C1GALT1: variants seen among roughly 807,000 people sequenced by gnomAD.
C1GALT1 encodes the protein glycoprotein-N-acetylgalactosamine 3-beta-galactosyltransferase 1.
A neutral mutation model predicts 31.0 loss-of-function variants in C1GALT1; 11 were observed. The observed-to-expected ratio is 0.36, with a 90% CI of 0.22 to 0.59. The LOEUF (loss-of-function observed/expected upper bound fraction) is 0.59, where lower values mean the gene tolerates loss of function less well. Ranked by LOEUF, C1GALT1 falls within the 20% of genes least tolerant of loss-of-function variation. C1GALT1 has a pLI of 0.79. For missense variants in C1GALT1, 424 were observed against 425.2 expected (o/e 1.00, Z 0.03); for synonymous variants, 175 against 143.6 (o/e 1.22, Z -1.56).
chr7:7,239,986 T>C (rs2128251901), intron 3 of C1GALT1, among the ~76,000 whole-genome samples: 1 of 152,346 alleles, frequency 6.6e-6, no homozygotes, highest in East Asian at 1.9e-4. Flanking sequence ...CTCAGTTCTG[T>C]TACTAATAAT....
intron 1 of C1GALT1, among the ~76,000 whole-genome samples, chr7:7,214,058 A>G (rs1583791895): frequency 6.6e-6 from 1 of 152,202 alleles, no homozygotes; most frequent in Admixed American, 6.5e-5. Context: ...TTTCTAATTT[A>G]TAACTACTAT....
intron 3 of C1GALT1, 90 bp from the exon 4 acceptor site, chr7:7,243,434 T>C: frequency 4.6e-6 from 5 of 1,090,518 alleles, no homozygotes; most frequent in Non-Finnish European, 3.9e-6. Context: ...TTGTATTCTT[T>C]TAAAATTAGC....
chr7:7,239,782 TCA>T (rs1562599329), intron 3 of C1GALT1, among the ~76,000 whole-genome samples: 1 of 152,208 alleles, frequency 6.6e-6, no homozygotes, highest in African/African-American at 2.4e-5. Flanking sequence ...CACATTTGTT[TCA>T]GTTATTTAAA....
chr7:7,195,545 A>G (rs994351479), intron 1 of C1GALT1, among the ~76,000 whole-genome samples: 3 of 152,150 alleles, frequency 2.0e-5, no homozygotes, highest in African/African-American at 4.8e-5. Flanking sequence ...AGTACTTGCT[A>G]TAATTTTGAT....
At chr7:7,174,787 G>T (rs766785095) in intron 2 of C1GALT1, among the ~76,000 whole-genome samples, 1 of 151,662 alleles carries the variant, frequency 6.6e-6, no homozygotes, top group South Asian at 2.1e-4. Context: ...TTTCTGTTTG[G>T]TTCCTTTTCA....
At chr7:7,224,431 A>G (rs1269279999) in intron 1 of C1GALT1, among the ~76,000 whole-genome samples, 1 of 151,966 alleles carries the variant, frequency 6.6e-6, no homozygotes, top group Non-Finnish European at 1.5e-5. Context: ...ATTCTCCAGT[A>G]AAACCATCTG....
chr7:7,174,491 C>G (rs1202133370), intron 2 of C1GALT1, among the ~76,000 whole-genome samples: 2 of 152,078 alleles, frequency 1.3e-5, no homozygotes, highest in Admixed American at 6.6e-5. Context: ...TGCCTGTAAT[C>G]CTAGCACTTT....
chr7:7,173,248 C>T (rs1780473116), intron 2 of C1GALT1, among the ~76,000 whole-genome samples: 3 of 151,780 alleles, frequency 2.0e-5, no homozygotes, highest in South Asian at 4.2e-4. Flanking sequence ...TGGCATCACC[C>T]CTCCACCTCT....
rs548891974 is a variant in C1GALT1, at chr7:7,226,369, A to T, written c.-17-7934A>T. 5.7e-3 allele frequency among the ~76,000 whole-genome samples: 328 copies of T among 57,448 alleles called. No individual in the cohort carries two copies. The African/African-American group carries it at 0.065, about 11-fold the overall frequency. The allele number at this position is 57,448 out of a possible 152,430, so 37.7% of individuals were successfully genotyped here. On this transcript the variant is annotated intron_variant, in intron 1 of 3. Transcript: ENST00000436587. ...ATGTGGTATAAAGTGTTAAAATTTA[A>T]AAAAAAAAATAACTAGAATTTCAGG...
chr7:7,238,451 C>G lies in C1GALT1; in HGVS notation c.417C>G (p.Gly139=), dbSNP rs1243455570. Residue 139 remains glycine (G), a synonymous_variant, in exon 3 of 4, where the codon GGC becomes GGG. Coordinates refer to ENST00000436587, the MANE Select transcript of C1GALT1 (RefSeq NM_020156.5). This position sits in a 1 kb window ranked among gnomAD's most constrained non-coding sequence, Gnocchi z 5.2. The part of the protein sequence containing the change: ...FPAVGLKTKE[G]RDQLYWKTIK... The stretch of plus-strand genomic sequence containing the variant: ...CTGTGGGACTGAAAACCAAAGAAGG[C>G]AGAGATCAACTATACTGGAAAACAA... 6.2e-7 allele frequency: 1 copy of G among 1,613,612 alleles called. No homozygotes were observed. Among genetic ancestry groups the G allele is most frequent in the Non-Finnish European group, 8.5e-7 (1 of 1,179,928 alleles).
At chr7:7,194,995 T>G (rs1781222983) in intron 1 of C1GALT1, among the ~76,000 whole-genome samples, 1 of 152,204 alleles carries the variant, frequency 6.6e-6, no homozygotes, top group Non-Finnish European at 1.5e-5. Context: ...TGATCTTTTG[T>G]ATTTCTGTGG....
intron 1 of C1GALT1, among the ~76,000 whole-genome samples, chr7:7,220,329 T>C (rs562921070): frequency 2.6e-5 from 4 of 152,332 alleles, no homozygotes; most frequent in Non-Finnish European, 4.4e-5. Context: ...TATTATATTT[T>C]AGAGTTGAGT....
At chr7:7,165,210 G>A (rs1341426582) in intron 2 of C1GALT1, among the ~76,000 whole-genome samples, 1 of 152,110 alleles carries the variant, frequency 6.6e-6, no homozygotes, top group Non-Finnish European at 1.5e-5. Context: ...GCTCAGGCCA[G>A]GTTGTGCCCA....
At chr7:7,222,105 C>G (rs1782536212) in intron 1 of C1GALT1, among the ~76,000 whole-genome samples, 1 of 152,168 alleles carries the variant, frequency 6.6e-6, no homozygotes, top group Non-Finnish European at 1.5e-5. Flanking sequence ...TCTAATAAAT[C>G]ACTTTGACAC....
intron 2 of C1GALT1, among the ~76,000 whole-genome samples, chr7:7,236,436 T>G (rs1783355520): frequency 6.6e-6 from 1 of 152,224 alleles, no homozygotes; most frequent in South Asian, 2.1e-4. Flanking sequence ...GAGATGTCTA[T>G]GCTTTCTGAC....
At chr7:7,195,140 GT>G (rs72561134) in intron 1 of C1GALT1, among the ~76,000 whole-genome samples, 2 of 151,916 alleles carry the variant, frequency 1.3e-5, no homozygotes, top group African/African-American at 4.8e-5. Flanking sequence ...TATCTTTTGT[GT>G]TTTTTGTTTG....
intron 1 of C1GALT1, among the ~76,000 whole-genome samples, chr7:7,183,062 A>G (rs951284207): frequency 5.3e-5 from 8 of 152,088 alleles, no homozygotes; most frequent in Non-Finnish European, 1.0e-4. Flanking sequence ...CCCGGCCTCA[A>G]TTTTGTGGAC....
chr7:7,242,209 ACTTTTT>A (rs1004877525), intron 3 of C1GALT1, among the ~76,000 whole-genome samples: 3 of 109,148 alleles, frequency 2.7e-5, no homozygotes, highest in African/African-American at 1.4e-4. Context: ...ATGAAATTTC[ACTTTTT>A]TTTTTTTTTT....
Position 7,182,782 on chromosome 7 carries a change from C to A in C1GALT1, c.-56C>A, listed in dbSNP as rs968548368. 1.1e-5 allele frequency: 11 copies of A among 985,340 alleles called. No individual in the cohort carries two copies. The African/African-American group carries it at 1.9e-4, about 17-fold the overall frequency. The allele number at this position is 985,340 out of a possible 1,614,324, so 61.0% of individuals were successfully genotyped here. On this transcript the variant is annotated 5_prime_UTR_variant, in exon 1 of 4. Transcript: ENST00000436587. ...AGTCCCAAGTCGTCCCCCTCTCCGCCCCCCAGGAGGGGCGAGAGGGAGCCG... is the reference window on the plus strand; with the variant it reads ...AGTCCCAAGTCGTCCCCCTCTCCGCACCCCAGGAGGGGCGAGAGGGAGCCG...
Sources: gnomAD v4.1 joint callset for allele counts (sites outside exome capture counted in the v4.1 genomes callset) on GRCh38, gnomAD v4.1.1 for gene constraint, Gnocchi (gnomAD v3.1) non-coding constraint, MANE v1.5 for transcripts, NCBI Gene and HGNC (gene_info 2026-07-23, HGNC 2026-07-21) for gene names.